PRDM5: variants seen among roughly 807,000 people sequenced by gnomAD.
PRDM5 encodes the protein PR/SET domain 5.
A neutral mutation model predicts 81.2 loss-of-function variants in PRDM5; 56 were observed. The ratio of observed to expected loss-of-function variants is 0.69; its 90% CI spans 0.56 to 0.86. The LOEUF (loss-of-function observed/expected upper bound fraction) is 0.86, where lower values mean the gene tolerates loss of function less well. Among genes scored for constraint, PRDM5 ranks in the 40% least tolerant of loss-of-function variants. PRDM5 has a pLI of 0.00. For missense variants in PRDM5, 697 were observed against 770.1 expected (o/e 0.91, Z 1.12); for synonymous variants, 267 against 256.4 (o/e 1.04, Z -0.39).
intron 3 of PRDM5, among the ~76,000 whole-genome samples, chr4:120,842,407 C>T (rs564512566): frequency 6.6e-6 from 1 of 152,156 alleles, no homozygotes; most frequent in South Asian, 2.1e-4. Flanking sequence ...AAGGTACATT[C>T]AACTAGGTGT....
chr4:120,905,838 C>A (rs1232699817), intron 2 of PRDM5, among the ~76,000 whole-genome samples: 1 of 152,110 alleles, frequency 6.6e-6, no homozygotes, highest in Non-Finnish European at 1.5e-5. Context: ...CAGCTCTTAC[C>A]CTTCTCATAG....
intron 2 of PRDM5, among the ~76,000 whole-genome samples, chr4:120,889,832 T>C (rs1763846359): frequency 6.6e-6 from 1 of 152,238 alleles, no homozygotes; most frequent in Admixed American, 6.5e-5. Context: ...TTTGATTTTC[T>C]GTTCCTGCAT....
intron 10 of PRDM5, 64 bp from the exon 11 acceptor site, chr4:120,785,155 G>A: frequency 7.9e-7 from 1 of 1,259,446 alleles, no homozygotes; most frequent in Non-Finnish European, 1.2e-6. Flanking sequence ...ATGAACGAGT[G>A]GAGCTTGGAT....
intron 8 of PRDM5, among the ~76,000 whole-genome samples, chr4:120,803,751 G>T (rs1164265438): frequency 6.6e-6 from 1 of 152,186 alleles, no homozygotes; most frequent in Non-Finnish European, 1.5e-5. Flanking sequence ...GCAAAAACAT[G>T]CCAAATTGTA....
intron 14 of PRDM5, among the ~76,000 whole-genome samples, chr4:120,738,010 A>T (rs1428071565): frequency 3.3e-5 from 5 of 152,258 alleles, no homozygotes; most frequent in Non-Finnish European, 7.3e-5. Flanking sequence ...GTCTACATGA[A>T]AGTCACAACC....
At chr4:120,863,617 G>C (rs1760886440) in intron 2 of PRDM5, among the ~76,000 whole-genome samples, 1 of 151,914 alleles carries the variant, frequency 6.6e-6, no homozygotes, top group South Asian at 2.1e-4. Context: ...AAAAAAATGA[G>C]AAAAATCAAA....
intron 2 of PRDM5, among the ~76,000 whole-genome samples, chr4:120,871,370 G>A (rs1220180236): frequency 6.6e-6 from 1 of 152,194 alleles, no homozygotes; most frequent in African/African-American, 2.4e-5. Context: ...TTCTGGGTAT[G>A]GCTCCCTGTG....
At chr4:120,777,084 A>G in intron 13 of PRDM5, 104 bp downstream of exon 13, 1 of 1,587,280 alleles carries the variant, frequency 6.3e-7, no homozygotes, top group South Asian at 1.1e-5. Context: ...GCCAAGATTA[A>G]TTCTTAATCT....
intron 2 of PRDM5, among the ~76,000 whole-genome samples, chr4:120,863,114 G>A (rs1760790249): frequency 7.0e-6 from 1 of 142,338 alleles, no homozygotes. Context: ...GCCAAGATTG[G>A]GCTATTACAC....
chr4:120,730,381 A>C (rs1327558924), intron 14 of PRDM5, among the ~76,000 whole-genome samples: 2 of 152,212 alleles, frequency 1.3e-5, no homozygotes, highest in African/African-American at 2.4e-5. Flanking sequence ...AGGCACATGA[A>C]TCATGTAAAT....
At chr4:120,877,318 C>T (rs1002701843) in intron 2 of PRDM5, among the ~76,000 whole-genome samples, 20 of 152,168 alleles carry the variant, frequency 1.3e-4, no homozygotes, top group Non-Finnish European at 2.5e-4. Context: ...TTTCCATGTA[C>T]CACATCACTT....
At chr4:120,761,266 C>T (rs984267845) in intron 13 of PRDM5, among the ~76,000 whole-genome samples, 1 of 152,156 alleles carries the variant, frequency 6.6e-6, no homozygotes, top group African/African-American at 2.4e-5. Flanking sequence ...TGAAAGGGAA[C>T]ATCTGGATGC....
At chr4:120,699,303 A>G (rs1025193999) in intron 15 of PRDM5, among the ~76,000 whole-genome samples, 4 of 150,772 alleles carry the variant, frequency 2.7e-5, no homozygotes, top group Admixed American at 2.0e-4. Flanking sequence ...GACTAGTAGT[A>G]TTAACTCTGC....
chr4:120,759,026 A>C (rs939845115), intron 13 of PRDM5, among the ~76,000 whole-genome samples: 2 of 151,802 alleles, frequency 1.3e-5, no homozygotes, highest in Non-Finnish European at 2.9e-5. Flanking sequence ...AAGTGCTGGG[A>C]TTACAGGCGT....
At chr4:120,710,537 T>G in intron 14 of PRDM5, 124 bp from the exon 15 acceptor site, 1 of 801,262 alleles carries the variant, frequency 1.2e-6, no homozygotes, top group African/African-American at 1.7e-5. Context: ...TATGCTGATA[T>G]GGTTTGGCTG....
chr4:120,771,341 C>T lies in PRDM5; in HGVS notation c.1537+5847G>A, dbSNP rs117303841. On this transcript the variant is annotated intron_variant, in intron 13 of 15. Transcript: ENST00000264808. ...ATGGCAAGGAGAACAATTTATTAAG[C>T]GTATTTTGGAGGTTACTATGATTTA... Among the ~76,000 whole-genome samples, 21 of 152,102 alleles carry T rather than the reference C, an allele frequency of 1.4e-4. No individual in the cohort carries two copies. The East Asian group carries it at 3.1e-3, about 22-fold the overall frequency.
intron 12 of PRDM5, among the ~76,000 whole-genome samples, chr4:120,780,622 A>G (rs1365527051): frequency 6.6e-6 from 1 of 152,128 alleles, no homozygotes; most frequent in South Asian, 2.1e-4. Flanking sequence ...CCAAATCACT[A>G]TATGAACATT....
chr4:120,893,317 C>T (rs1764266773), intron 2 of PRDM5, among the ~76,000 whole-genome samples: 1 of 152,214 alleles, frequency 6.6e-6, no homozygotes, highest in African/African-American at 2.4e-5. Flanking sequence ...CCTCTCTACT[C>T]TCTGTGTCTC....
At position 120,785,063 on chromosome 4, in the gene PRDM5, C is replaced by G; in HGVS notation, c.1217G>C (p.Cys406Ser). ...CCGGAACAAAGCTTTACATTCTTCACATTGGAACGGTCTCTCCTCAGAGTG... is the reference window on the plus strand; with the variant it reads ...CCGGAACAAAGCTTTACATTCTTCAGATTGGAACGGTCTCTCCTCAGAGTG... ...KTHSEERPFQ[C>S]EECKALFRTP... The change falls in exon 11 of 16, where the codon TGT (cysteine) becomes TCT (serine). Residue 406 changes from cysteine (C) to serine (S), a missense_variant. By Grantham distance (112) the Cys-to-Ser change is moderately radical. Transcript: ENST00000264808. 6.2e-7 allele frequency: 1 copy of G among 1,611,718 alleles called. No individual in the cohort carries two copies. The highest frequency in any genetic ancestry group is 2.2e-5 in the East Asian group (1 of 44,844).
Sources: gnomAD v4.1 joint callset for allele counts (sites outside exome capture counted in the v4.1 genomes callset) on GRCh38, gnomAD v4.1.1 for gene constraint, MANE v1.5 for transcripts, NCBI Gene and HGNC (gene_info 2026-07-23, HGNC 2026-07-21) for gene names.